Variants in RYR3 observed in about 807,000 individuals in gnomAD.
RYR3 encodes the protein brain ryanodine receptor-calcium release channel.
Under a neutral mutation model 584.3 loss-of-function variants are expected in RYR3, and 207 were observed. The ratio of observed to expected loss-of-function variants is 0.35; its 90% CI spans 0.32 to 0.40. The LOEUF (loss-of-function observed/expected upper bound fraction) is 0.40, where lower values mean the gene tolerates loss of function less well. Among genes scored for constraint, RYR3 ranks in the 10% least tolerant of loss-of-function variants. The pLI, the probability that RYR3 is intolerant of heterozygous loss-of-function variation, is 1.00. For synonymous variants in RYR3, 2,416 were observed against 2,248.5 expected, an observed-to-expected ratio of 1.07 and a Z score of -2.11; for missense variants, 5,616 against 6,089.2, an observed-to-expected ratio of 0.92 and a Z score of 2.59.
chr15:33,312,375 T>C (rs912976862), intron 1 of RYR3, among the ~76,000 whole-genome samples: 1 of 74,976 alleles, frequency 1.3e-5, no homozygotes, highest in African/African-American at 8.7e-5. Flanking sequence ...TTGGGTCTTA[T>C]TTGGGGGGGG....
chr15:33,791,370 ACAC>A (rs1234922018), intron 67 of RYR3, among the ~76,000 whole-genome samples: 1 of 152,102 alleles, frequency 6.6e-6, no homozygotes, highest in African/African-American at 2.4e-5. Flanking sequence ...TGACACACAC[ACAC>A]ACACACACAC....
intron 1 of RYR3, among the ~76,000 whole-genome samples, chr15:33,321,626 G>T (rs539934991): frequency 2.0e-5 from 3 of 152,100 alleles, no homozygotes; most frequent in Admixed American, 6.5e-5. Flanking sequence ...ACCCTAATTG[G>T]TTCTTCATTT....
At position 33,389,079 on chromosome 15, in the gene RYR3, G is replaced by A. The variant is rs190266727; in HGVS notation, c.51+77983G>A. 5.0e-5 allele frequency among the ~76,000 whole-genome samples: 6 copies of A among 120,256 alleles called. No individual in the cohort carries two copies. The East Asian group carries it at 1.7e-3, about 33-fold the overall frequency. The allele number at this position is 120,256 out of a possible 152,430, so 78.9% of individuals were successfully genotyped here. Reference sequence around the variant, plus strand: ...ACATCACACACTGGGGACTGTTTTGGGGTGGGGGGAGGGGGGAGGGATAGC... The same window carrying A: ...ACATCACACACTGGGGACTGTTTTGAGGTGGGGGGAGGGGGGAGGGATAGC... On this transcript the variant is annotated intron_variant, in intron 1 of 103. Transcript: ENST00000634891.
chr15:33,825,492 T>C, intron 81 of RYR3, 111 bp from the exon 82 acceptor site: 1 of 675,602 alleles, frequency 1.5e-6, no homozygotes, highest in Non-Finnish European at 2.6e-6. Flanking sequence ...GTTAGTTTAT[T>C]TACGATAACA....
Position 33,810,784 on chromosome 15 carries a change from A to C in RYR3, c.10197+135A>C. 2.6e-6 allele frequency: 3 copies of C among 1,150,638 alleles called. No individual in the cohort carries two copies. In the South Asian group the frequency reaches 4.4e-5, roughly 17 times the overall value. 71.3% of individuals were successfully genotyped at this position (1,150,638 alleles called of 1,614,324 possible). ...GCAGAAACCAGTGTGTATGGAGGCAACACGCCCTCATCTTTAAAACTGGTT... is the reference window on the plus strand; with the variant it reads ...GCAGAAACCAGTGTGTATGGAGGCACCACGCCCTCATCTTTAAAACTGGTT... On this transcript the variant is annotated intron_variant, in intron 71 of 103. Transcript: ENST00000634891.
At position 33,806,920 on chromosome 15, in the gene RYR3, A is replaced by ATTTT. The variant is rs35069939; in HGVS notation, c.10012-623_10012-620dup. ...AACACACAACCCCACACCCAGCTGA[A>ATTTT]TTTTTTTTTTTTTTTGTAAAGACAG... On this transcript the variant is annotated intron_variant, in intron 69 of 103. Transcript: ENST00000634891. Among the ~76,000 whole-genome samples the ATTTT allele has an allele frequency of 3.1e-3, 444 of 141,464 alleles. 6 individuals are homozygous for ATTTT. The highest frequency in any genetic ancestry group is 7.5e-3 in the Middle Eastern group (2 of 268). The allele number at this position is 141,464 out of a possible 152,430, so 92.8% of individuals were successfully genotyped here.
At chr15:33,682,775 A>C (rs940893618) in intron 38 of RYR3, among the ~76,000 whole-genome samples, 1 of 152,174 alleles carries the variant, frequency 6.6e-6, no homozygotes, top group Non-Finnish European at 1.5e-5. Flanking sequence ...CCTTCTTGAG[A>C]TTCTGCTAAG....
intron 1 of RYR3, among the ~76,000 whole-genome samples, chr15:33,388,319 G>T (rs2041766317): frequency 6.6e-6 from 1 of 152,130 alleles, no homozygotes; most frequent in Admixed American, 6.5e-5. Flanking sequence ...TGTTCTAAGT[G>T]GGAGAAAAAA....
chr15:33,362,541 C>G (rs189417572), intron 1 of RYR3, among the ~76,000 whole-genome samples: 10 of 152,298 alleles, frequency 6.6e-5, no homozygotes, highest in African/African-American at 2.4e-4. Flanking sequence ...ATCTTCTGTT[C>G]AAGTGCTTTT....
At chr15:33,329,106 C>T (rs1308014854) in intron 1 of RYR3, among the ~76,000 whole-genome samples, 1 of 152,128 alleles carries the variant, frequency 6.6e-6, no homozygotes, top group Non-Finnish European at 1.5e-5. Flanking sequence ...GTCTGCAAGC[C>T]GAGGGACAGT....
chr15:33,600,425 G>T (rs1009621917), intron 16 of RYR3, among the ~76,000 whole-genome samples: 1 of 152,054 alleles, frequency 6.6e-6, no homozygotes, highest in Admixed American at 6.6e-5. Context: ...AGGAGAGCAG[G>T]AGGAAGAGAG....
intron 91 of RYR3, 47 bp from the exon 92 acceptor site, chr15:33,843,441 T>G (rs756233821): frequency 7.3e-7 from 1 of 1,371,724 alleles, no homozygotes; most frequent in South Asian, 1.2e-5. Context: ...GGAAGTTCTC[T>G]TTTCCTTCCA....
chr15:33,788,465 A>G lies in RYR3; in HGVS notation c.9830+7A>G. ...GCTACGTGGACAACAACAGGTACGG[A>G]GGAGAGCACTAGGAGCCTGTCTGCC... On this transcript the variant is annotated splice_region_variant and intron_variant, in intron 67 of 103. Transcript: ENST00000634891. 6.2e-7 allele frequency: 1 copy of G among 1,612,520 alleles called. No homozygotes were observed. The highest frequency in any genetic ancestry group is 8.5e-7 in the Non-Finnish European group (1 of 1,178,608).
intron 88 of RYR3, 128 bp downstream of exon 88, chr15:33,837,115 T>G: frequency 1.4e-6 from 1 of 708,146 alleles, no homozygotes; most frequent in Non-Finnish European, 2.3e-6. Flanking sequence ...GAAAGCCAAA[T>G]TTTCAGAAAC....
At chr15:33,479,091 G>C (rs2049710394) in intron 2 of RYR3, among the ~76,000 whole-genome samples, 1 of 95,042 alleles carries the variant, frequency 1.1e-5, no homozygotes, top group Admixed American at 9.5e-5. Flanking sequence ...TTCATCTCCT[G>C]TTTGCAGAAT....
In RYR3 at chr15:33,810,447, C is replaced by T. The variant is rs531942481; in HGVS notation, c.10027-32C>T. On this transcript the variant is annotated intron_variant, in intron 70 of 103. Transcript: ENST00000634891. Reference sequence around the variant, plus strand: ...CGTTCCTTTGGGAGAATCACTGAACCCCTCTCTGTTTATTTCAACATCATC... The same window carrying T: ...CGTTCCTTTGGGAGAATCACTGAACTCCTCTCTGTTTATTTCAACATCATC... 7 of 1,610,770 alleles carry T rather than the reference C, an allele frequency of 4.3e-6. No individual in the cohort carries two copies. The Admixed American group carries it at 1.2e-4, about 27-fold the overall frequency.
chr15:33,580,004 A>G lies in RYR3; in HGVS notation c.1297A>G (p.Thr433Ala). 6.2e-7 allele frequency: 1 copy of G among 1,612,472 alleles called. No individual in the cohort carries two copies. Among genetic ancestry groups the G allele is most frequent in the Non-Finnish European group, 8.5e-7 (1 of 1,179,280 alleles). Residue 433 changes from threonine to alanine, a missense_variant, in exon 13 of 104, where the codon ACC becomes GCC. Thr to Ala is a moderately conservative substitution (Grantham distance 58). Around this residue, in one of 9 missense-constraint regions of RYR3, gnomAD observed 1,284 missense variants for 1,344.6 expected, o/e 0.95. Coordinates refer to ENST00000634891, the MANE Select transcript of RYR3 (RefSeq NM_001036.6). Reference protein sequence around the residue: ...SGNNRTAAPITLPIEEVLQTL... With the variant: ...SGNNRTAAPIALPIEEVLQTL... The stretch of plus-strand genomic sequence containing the variant: ...AAACAATCGCACAGCTGCCCCCATC[A>G]CCCTGCCTATAGAAGAAGTCCTGCA...
At chr15:33,382,911 T>C (rs920389362) in intron 1 of RYR3, among the ~76,000 whole-genome samples, 1 of 151,468 alleles carries the variant, frequency 6.6e-6, no homozygotes, top group Non-Finnish European at 1.5e-5. Flanking sequence ...ATATTTGAAA[T>C]TTTAAACCTG....
At chr15:33,342,268 T>A (rs373997963) in intron 1 of RYR3, among the ~76,000 whole-genome samples, 1 of 152,222 alleles carries the variant, frequency 6.6e-6, no homozygotes, top group African/African-American at 2.4e-5. Flanking sequence ...CTTAGAAAAC[T>A]GAAAATTTGT....
Sources: gnomAD v4.1 joint callset for allele counts (sites outside exome capture counted in the v4.1 genomes callset) on GRCh38, gnomAD v4.1.1 for gene constraint, gnomAD v4.1.1 regional missense constraint, MANE v1.5 for transcripts, NCBI Gene and HGNC (gene_info 2026-07-23, HGNC 2026-07-21) for gene names.